Variants in CCNB3 observed in about 807,000 individuals in gnomAD.
CCNB3 encodes the protein cyclin B3.
In CCNB3, 12 loss-of-function variants were observed where a neutral mutation model predicts 68.0. The ratio of observed to expected loss-of-function variants is 0.18; its 90% CI spans 0.11 to 0.29. The LOEUF (loss-of-function observed/expected upper bound fraction) is 0.29. CCNB3 is among the 10% of genes least tolerant of loss of function. CCNB3 has a pLI of 1.00. For missense variants in CCNB3, 904 were observed against 993.1 expected (o/e 0.91, Z 1.21); for synonymous variants, 354 against 388.9 (o/e 0.91, Z 1.06).
At chrX:50,320,749 A>G (rs1921972600) in intron 8 of CCNB3, among the ~76,000 whole-genome samples, 1 of 109,569 alleles carries the variant, frequency 9.1e-6, no homozygotes, top group Admixed American at 9.7e-5. Flanking sequence ...ATAATTGTGG[A>G]TTTGTCTATT....
rs184179074 is a variant in CCNB3 at position 50,337,358 on chromosome X, G to A, written c.3517-4844G>A. 5.9e-4 allele frequency among the ~76,000 whole-genome samples: 65 copies of A among 110,736 alleles called. 1 individual carries two copies. The highest frequency in any genetic ancestry group is 2.4e-3 in the South Asian group (6 of 2,494). On this transcript the variant is annotated intron_variant, in intron 8 of 12. Transcript: ENST00000376042. ...AGGACTTTTGGTGCCGACTTCCCTCGGTGGGTGGAGTGACAGCCTTCCTTA... is the reference window on the plus strand; with the variant it reads ...AGGACTTTTGGTGCCGACTTCCCTCAGTGGGTGGAGTGACAGCCTTCCTTA...
At chrX:50,328,070 G>A (rs1466930318) in intron 8 of CCNB3, among the ~76,000 whole-genome samples, 2 of 111,516 alleles carry the variant, frequency 1.8e-5, no homozygotes, top group Non-Finnish European at 1.9e-5. Flanking sequence ...AAAGAAAATT[G>A]ATTCTTTACT....
chrX:50,322,088 AC>A (rs2147076817), intron 8 of CCNB3, among the ~76,000 whole-genome samples: 1 of 99,006 alleles, frequency 1.0e-5, no homozygotes, highest in African/African-American at 3.7e-5. Flanking sequence ...TTCATATGGA[AC>A]CAAAAAAAGA....
chrX:50,307,250 C>T (rs892736490), intron 5 of CCNB3, among the ~76,000 whole-genome samples: 3 of 111,511 alleles, frequency 2.7e-5, no homozygotes, highest in Non-Finnish European at 3.8e-5. Context: ...TTGTTCATAA[C>T]GTGCCTTTAA....
At chrX:50,314,548 C>T (rs782356105) in intron 8 of CCNB3, among the ~76,000 whole-genome samples, 7 of 111,896 alleles carry the variant, frequency 6.3e-5, no homozygotes, top group Admixed American at 1.9e-4. Flanking sequence ...GGTCAGTCTA[C>T]GCTCAGCAGT....
Position 50,312,601 on chromosome X carries a change from A to G in CCNB3, c.3392A>G (p.Lys1131Arg), listed in dbSNP as rs1921524635. The change falls in exon 7 of 13, where the codon AAG becomes AGG. Residue 1131 changes from lysine to arginine, a missense_variant. This residue lies in a region of CCNB3 where 285 missense variants were observed against 383.4 expected (regional missense o/e 0.74). Transcript: ENST00000376042. ...SDPSFNPMYA[K>R]EIFSYMKERE... ...CCAAGTTTCAACCCAATGTATGCCA[A>G]GGAAATCTTCAGTTACATGAAAGAG... The G allele has an allele frequency of 3.3e-6, 4 of 1,205,376 alleles. No homozygotes were observed. In the East Asian group the frequency reaches 8.9e-5, roughly 27 times the overall value.
At chrX:50,211,235 C>G (rs1486604876) in intron 1 of CCNB3, among the ~76,000 whole-genome samples, 1 of 111,727 alleles carries the variant, frequency 9.0e-6, no homozygotes, top group Non-Finnish European at 1.9e-5. Context: ...TGCACTCCAG[C>G]CTGGCTGACA....
chrX:50,350,737 C>T lies in CCNB3; in HGVS notation c.3961-504C>T, dbSNP rs143621045. Among the ~76,000 whole-genome samples, 27 of 109,340 alleles carry T rather than the reference C, an allele frequency of 2.5e-4. 1 individual carries two copies. The highest frequency in any genetic ancestry group is 4.7e-3 in the Middle Eastern group (1 of 211). The allele number at this position is 109,340 out of a possible 115,157, so 94.9% of individuals were successfully genotyped here. A position where few individuals can be genotyped will look rare whatever the true frequency, so the allele number is the denominator to read the frequency against. ...AAGAGATAGGGTCTTGCTCTGTTAC[C>T]CAGGCTGGAGTGCAGTGGTGCGATC... On this transcript the variant is annotated intron_variant, in intron 11 of 12. Coordinates refer to ENST00000376042, the MANE Select transcript of CCNB3 (RefSeq NM_033031.3).
chrX:50,228,720 A>G (rs1218452077), intron 1 of CCNB3, among the ~76,000 whole-genome samples: 1 of 62,811 alleles, frequency 1.6e-5, no homozygotes, highest in African/African-American at 6.0e-5. Context: ...ATATATAAAG[A>G]ATATATATAG....
At chrX:50,320,225 G>A (rs1383847775) in intron 8 of CCNB3, among the ~76,000 whole-genome samples, 2 of 111,540 alleles carry the variant, frequency 1.8e-5, no homozygotes, top group Middle Eastern at 4.6e-3. Flanking sequence ...AATGTTGGTA[G>A]AATTTGCAAG....
chrX:50,319,309 A>T (rs1453695584), intron 8 of CCNB3, among the ~76,000 whole-genome samples: 1 of 110,930 alleles, frequency 9.0e-6, no homozygotes, highest in African/African-American at 3.3e-5. Context: ...ATTTTCTTTG[A>T]TTTATTTTTC....
At chrX:50,329,038 T>C (rs1359046480) in intron 8 of CCNB3, among the ~76,000 whole-genome samples, 3 of 112,838 alleles carry the variant, frequency 2.7e-5, no homozygotes, top group South Asian at 3.7e-4. Flanking sequence ...CTCCTAAGGC[T>C]TTGGGCAGCT....
intron 4 of CCNB3, among the ~76,000 whole-genome samples, chrX:50,294,080 G>A (rs952483797): frequency 2.3e-4 from 25 of 110,190 alleles, no homozygotes; most frequent in Middle Eastern, 4.3e-3. Flanking sequence ...GGGACCATAG[G>A]CATGTGCCAC....
At chrX:50,226,281 T>G (rs1244027330) in intron 1 of CCNB3, among the ~76,000 whole-genome samples, 1 of 57,990 alleles carries the variant, frequency 1.7e-5, no homozygotes, top group East Asian at 5.8e-4. Flanking sequence ...ATATATATAT[T>G]TATATATATA....
chrX:50,319,246 C>G (rs782026417), intron 8 of CCNB3, among the ~76,000 whole-genome samples: 1 of 110,940 alleles, frequency 9.0e-6, no homozygotes, highest in African/African-American at 3.3e-5. Flanking sequence ...ATAGAATTGG[C>G]GCGTTACTAT....
At chrX:50,203,349 CTG>C (rs782318495), upstream of CCNB3, among the ~76,000 whole-genome samples, 1 of 112,547 alleles carries the variant, frequency 8.9e-6, no homozygotes, top group South Asian at 3.7e-4. Context: ...CATGAAATCA[CTG>C]TCTGTCTGGT....
Position 50,312,948 on chromosome X carries a change from A to G in CCNB3, c.3423+316A>G, listed in dbSNP as rs146091414. ...CTAAAGTCTGATTGCCTTGAAGACC[A>G]TAATCCTGTACATCTAATTGCTAAG... On this transcript the variant is annotated intron_variant, in intron 7 of 12. Transcript: ENST00000376042. 3.0e-3 allele frequency among the ~76,000 whole-genome samples: 330 copies of G among 111,061 alleles called. 2 individuals carry two copies. Among genetic ancestry groups the G allele is most frequent in the Non-Finnish European group, 3.1e-3 (166 of 53,061 alleles).
At chrX:50,295,049 C>G in intron 5 of CCNB3, 56 bp downstream of exon 5, 1 of 1,107,065 alleles carries the variant, frequency 9.0e-7, no homozygotes, top group Non-Finnish European at 1.2e-6. Flanking sequence ...ATGTGACATC[C>G]TTTTGTCCCC....
In CCNB3 at chrX:50,290,774, CAG is replaced by C. The variant is rs200514785; in HGVS notation, c.204+1890_204+1891del. Among the ~76,000 whole-genome samples, 749 of 111,651 alleles carry C rather than the reference CAG, an allele frequency of 6.7e-3. 6 individuals are homozygous for C. The highest frequency in any genetic ancestry group is 0.023 in the African/African-American group (713 of 30,797). ...GGCAGGGGAGCAAGGGATCTCTGAG[CAG>C]AGTCTCTGCTTCTAGCTCTCTGGCT... On this transcript the variant is annotated intron_variant, in intron 4 of 12. Coordinates refer to ENST00000376042, the MANE Select transcript of CCNB3 (RefSeq NM_033031.3).
Sources: gnomAD v4.1 joint callset for allele counts (sites outside exome capture counted in the v4.1 genomes callset) on GRCh38, gnomAD v4.1.1 for gene constraint, gnomAD v4.1.1 regional missense constraint, MANE v1.5 for transcripts, NCBI Gene and HGNC (gene_info 2026-07-23, HGNC 2026-07-21) for gene names.